The following TCF4 variants were observed in gnomAD, a reference collection of about 807,000 sequenced individuals.
TCF4 encodes the protein transcription factor 4.
In TCF4, 3 loss-of-function variants were observed where a neutral mutation model predicts 82.1. The ratio of observed to expected loss-of-function variants is 0.04; its 90% confidence interval spans 0.02 to 0.09. TCF4 has a LOEUF of 0.09. TCF4 is among the 10% of genes least tolerant of loss of function. The pLI, the probability that TCF4 is intolerant of heterozygous loss-of-function variation, is 1.00. For synonymous variants in TCF4, 276 were observed against 309.6 expected (o/e 0.89, Z 1.14); for missense variants, 518 against 852.7 (o/e 0.61, Z 4.89).
At chr18:55,300,241 C>T (rs1486593878) in intron 8 of TCF4, among the ~76,000 whole-genome samples, 1 of 152,174 alleles carries the variant, frequency 6.6e-6, no homozygotes, top group Non-Finnish European at 1.5e-5. Context: ...GCCCCCTATG[C>T]CAACCATTTG....
At chr18:55,242,628 A>T (rs1351485803) in intron 15 of TCF4, among the ~76,000 whole-genome samples, 7 of 142,598 alleles carry the variant, frequency 4.9e-5, no homozygotes, top group African/African-American at 2.9e-5. Context: ...TTTTTTTTTT[A>T]AGATGGAGTG....
chr18:55,369,814 CG>C (rs1428225609), intron 6 of TCF4, among the ~76,000 whole-genome samples: 1 of 152,112 alleles, frequency 6.6e-6, no homozygotes, highest in Non-Finnish European at 1.5e-5. Flanking sequence ...CTTACTAAAC[CG>C]GGTTCTTTAG....
At chr18:55,251,882 C>T (rs1333634315) in intron 15 of TCF4, among the ~76,000 whole-genome samples, 1 of 149,994 alleles carries the variant, frequency 6.7e-6, no homozygotes, top group African/African-American at 2.4e-5. Flanking sequence ...GAAAACATTA[C>T]CAGTATCCTC....
intron 3 of TCF4, among the ~76,000 whole-genome samples, chr18:55,478,409 C>A (rs1166694747): frequency 4.6e-5 from 7 of 152,132 alleles, no homozygotes; most frequent in Non-Finnish European, 1.0e-4. Context: ...AAATCAAATT[C>A]AAAAACTCAC....
chr18:55,390,212 G>A (rs1318071118), intron 6 of TCF4, among the ~76,000 whole-genome samples: 1 of 149,454 alleles, frequency 6.7e-6, no homozygotes, highest in African/African-American at 2.5e-5. Context: ...AGCACTTTGG[G>A]AGGCCAAGGT....
intron 3 of TCF4, among the ~76,000 whole-genome samples, chr18:55,583,846 T>C (rs550446285): frequency 1.3e-5 from 2 of 152,228 alleles, no homozygotes; most frequent in East Asian, 1.9e-4. Flanking sequence ...CAAACATGCA[T>C]ATTAATATTT....
At chr18:55,241,217 A>T (rs1233040555) in intron 15 of TCF4, among the ~76,000 whole-genome samples, 2 of 152,154 alleles carry the variant, frequency 1.3e-5, no homozygotes, top group Non-Finnish European at 2.9e-5. Flanking sequence ...TCTTGTACTA[A>T]CTCATACGTT....
intron 3 of TCF4, among the ~76,000 whole-genome samples, chr18:55,577,551 C>T (rs1277477401): frequency 1.3e-5 from 2 of 152,096 alleles, no homozygotes; most frequent in Non-Finnish European, 2.9e-5. Context: ...TGCTCCTCAG[C>T]ATTTTACACA....
rs1393604207 is a variant in TCF4 at position 55,399,874 on chromosome 18, T to TCACA, written c.369+3579_369+3580insTGTG. 2.8e-4 allele frequency among the ~76,000 whole-genome samples: 37 copies of TCACA among 130,140 alleles called. No individual in the cohort carries two copies. In the South Asian group the frequency reaches 5.1e-3, roughly 18 times the overall value. The allele number at this position is 130,140 out of a possible 152,430, so 85.4% of individuals were successfully genotyped here. On this transcript the variant is annotated intron_variant, in intron 6 of 19. Transcript: ENST00000354452. ...CCCCATCTCTCTCTCTCTCTCTCTC[T>TCACA]CTCTCTCACACACACACACACACAC...
At chr18:55,494,957 C>A (rs1210843090) in intron 3 of TCF4, among the ~76,000 whole-genome samples, 7 of 135,988 alleles carry the variant, frequency 5.1e-5, no homozygotes, top group Non-Finnish European at 1.1e-4. Context: ...GATAATGAAG[C>A]CTTTCTTTAA....
chr18:55,383,086 T>C (rs759089927), intron 6 of TCF4, among the ~76,000 whole-genome samples: 47 of 152,014 alleles, frequency 3.1e-4, no homozygotes, highest in Non-Finnish European at 2.8e-4. Flanking sequence ...GGAAAAGGAG[T>C]TGCCTGAAAT....
At chr18:55,238,074 A>C (rs1277816730) in intron 15 of TCF4, among the ~76,000 whole-genome samples, 4 of 152,258 alleles carry the variant, frequency 2.6e-5, no homozygotes, top group Non-Finnish European at 5.9e-5. Flanking sequence ...TGATCTTGGC[A>C]TTCTGAACTT....
intron 2 of TCF4, among the ~76,000 whole-genome samples, chr18:55,617,712 A>T (rs1234640179): frequency 6.7e-6 from 1 of 150,070 alleles, no homozygotes; most frequent in Non-Finnish European, 1.5e-5. Flanking sequence ...TTGTTTTCTT[A>T]GTTTTCTTTT....
intron 5 of TCF4, among the ~76,000 whole-genome samples, chr18:55,415,890 T>C (rs1226708147): frequency 1.3e-5 from 2 of 152,372 alleles, no homozygotes; most frequent in East Asian, 3.9e-4. Context: ...AAAGTCTCTT[T>C]TAGTGTATGT....
chr18:55,260,234 G>A (rs1468595400), intron 12 of TCF4, among the ~76,000 whole-genome samples: 6 of 152,184 alleles, frequency 3.9e-5, no homozygotes, highest in Admixed American at 1.3e-4. Flanking sequence ...TGTGGTATGG[G>A]ATGGTGGGAA....
At chr18:55,517,504 A>T (rs1337911201) in intron 3 of TCF4, among the ~76,000 whole-genome samples, 1 of 152,208 alleles carries the variant, frequency 6.6e-6, no homozygotes, top group East Asian at 1.9e-4. Flanking sequence ...GTGTGCCAAT[A>T]AAATGGTTAT....
intron 8 of TCF4, among the ~76,000 whole-genome samples, chr18:55,301,359 T>G (rs1159019170): frequency 6.6e-6 from 1 of 152,192 alleles, no homozygotes; most frequent in Non-Finnish European, 1.5e-5. Context: ...CATGTATATA[T>G]TTTCTTATTA....
chr18:55,547,981 C>T (rs2097221048), intron 3 of TCF4, among the ~76,000 whole-genome samples: 1 of 152,196 alleles, frequency 6.6e-6, no homozygotes, highest in Admixed American at 6.5e-5. Context: ...TCACCAACCC[C>T]ATCCTCCCCA....
intron 2 of TCF4, among the ~76,000 whole-genome samples, chr18:55,593,838 A>G (rs993997036): frequency 6.6e-6 from 1 of 152,248 alleles, no homozygotes. Context: ...TGTAGGAAAA[A>G]AAAAATCAGA....
Sources: allele counts gnomAD v4.1 joint callset (sites outside exome capture counted in the v4.1 genomes callset), GRCh38; gene constraint gnomAD v4.1.1; transcripts MANE v1.5; gene names NCBI Gene and HGNC (gene_info 2026-07-23, HGNC 2026-07-21).